The following SEH1L variants were observed in gnomAD, a reference collection of about 807,000 sequenced individuals.
SEH1L encodes SEH1 like nucleoporin, also known as nucleoporin SEH1.
Under a neutral mutation model 49.5 loss-of-function variants are expected in SEH1L, and 18 were observed. The ratio of observed to expected loss-of-function variants is 0.36; its 90% CI spans 0.25 to 0.54. The LOEUF (loss-of-function observed/expected upper bound fraction) is 0.54. Among genes scored for constraint, SEH1L ranks in the 20% least tolerant of loss-of-function variants. The pLI is 0.87. For missense variants in SEH1L, 404 were observed against 528.8 expected (o/e 0.76, Z 2.31); for synonymous variants, 169 against 178.1 (o/e 0.95, Z 0.41).
At chr18:12,970,211 G>C (rs1480684180) in intron 4 of SEH1L, among the ~76,000 whole-genome samples, 1 of 152,128 alleles carries the variant, frequency 6.6e-6, no homozygotes, top group Non-Finnish European at 1.5e-5. Flanking sequence ...ATCTGGATGA[G>C]GGAGGCAAAG....
In SEH1L at chr18:12,982,599, C is replaced by T; in HGVS notation, c.843C>T (p.Val281=). 6.2e-7 allele frequency: 1 copy of T among 1,613,784 alleles called. No individual in the cohort carries two copies. Among genetic ancestry groups the T allele is most frequent in the Non-Finnish European group, 8.5e-7 (1 of 1,179,744 alleles). Residue 281 remains valine (V), a synonymous_variant, in exon 7 of 9, where the codon GTC becomes GTT. Transcript: ENST00000399892. ...AGTTCGATAATCATAATTCTCAGGT[C>T]TGGCGAGTGAGTTGGAATATAACAG... ...VAQFDNHNSQ[V]WRVSWNITGT...
At chr18:12,986,008 T>C (rs2032443142) in intron 8 of SEH1L, 1 of 911,914 alleles carries the variant, frequency 1.1e-6, no homozygotes, top group Non-Finnish European at 1.3e-6. Context: ...TGTGTATTTT[T>C]ATGGTGTTAT....
rs2032315135 is a variant in SEH1L, at chr18:12,982,587, T to C, written c.831T>C (p.His277=). 1 of 1,613,818 alleles carries C rather than the reference T, an allele frequency of 6.2e-7. No individual in the cohort carries two copies. The highest frequency in any genetic ancestry group is 1.3e-5 in the African/African-American group (1 of 74,928). ...EIHIVAQFDN[H]NSQVWRVSWN... is the part of the protein sequence containing the mutation. ...ATATAGTGGCTCAGTTCGATAATCA[T>C]AATTCTCAGGTCTGGCGAGTGAGTT... The change falls in exon 7 of 9, where the codon CAT becomes CAC. Residue 277 remains histidine, a synonymous_variant. Coordinates refer to ENST00000399892, the MANE Select transcript of SEH1L (RefSeq NM_001013437.2).
In SEH1L at chr18:12,986,862, G is replaced by A. The variant is rs569839195; in HGVS notation, c.1071G>A (p.Arg357=). 74 of 1,518,170 alleles carry A rather than the reference G, an allele frequency of 4.9e-5. 1 individual carries two copies. In the South Asian group the frequency reaches 8.6e-4, roughly 18 times the overall value. 94.0% of individuals were successfully genotyped at this position (1,518,170 alleles called of 1,614,324 possible). ...TTTGTTCCTGTCTTCATTGTTTCAG[G>A]TATTTCTTTACCCCTCTGGATTCCC... is the stretch of plus-strand genomic sequence containing the variant. ...QNSLNGSSAG[R]YFFTPLDSPR... is the part of the protein sequence containing the mutation. Residue 357 remains arginine, a splice_region_variant and synonymous_variant, in exon 9 of 9, where the codon AGG becomes AGA. Coordinates refer to ENST00000399892, the MANE Select transcript of SEH1L (RefSeq NM_001013437.2).
intron 7 of SEH1L, 44 bp from the exon 8 acceptor site, chr18:12,983,996 A>G (rs1047023165): frequency 1.4e-5 from 21 of 1,524,982 alleles, no homozygotes; most frequent in Admixed American, 3.4e-5. Flanking sequence ...GCCCTTAGGC[A>G]TTGGTATTAA....
At chr18:12,948,296 G>A (rs574535865) in intron 1 of SEH1L, 64 bp downstream of exon 1, 2 of 1,183,628 alleles carry the variant, frequency 1.7e-6, no homozygotes, top group African/African-American at 1.5e-5. Flanking sequence ...GGTGGGCGGC[G>A]CGGGGAACGG....
At position 12,985,352 on chromosome 18, in the gene SEH1L, C is replaced by T. The variant is rs537867214; in HGVS notation, c.1070+1162C>T. The T allele has an allele frequency of 6.7e-5, 103 of 1,544,446 alleles. No individual in the cohort carries two copies. The East Asian group carries it at 1.9e-3, about 28-fold the overall frequency. On this transcript the variant is annotated intron_variant, in intron 8 of 8. Coordinates refer to ENST00000399892, the MANE Select transcript of SEH1L (RefSeq NM_001013437.2). The stretch of plus-strand genomic sequence containing the variant: ...TTCCCCTTCCCCAGCGCCGTTTGAC[C>T]TCTCCCAAGATACACCAGCAGCCTG...
At chr18:12,982,135 C>G (rs8086882) in intron 6 of SEH1L, among the ~76,000 whole-genome samples, 63,047 of 151,866 alleles carry the variant, frequency 0.42, 13,428 homozygotes, top group Middle Eastern at 0.49. Flanking sequence ...CAAAGTGCTG[C>G]GATTACAGGT....
At chr18:12,984,000 G>T (rs2032370520) in intron 7 of SEH1L, 40 bp from the exon 8 acceptor site, 1 of 1,547,838 alleles carries the variant, frequency 6.5e-7, no homozygotes, top group African/African-American at 1.4e-5. Flanking sequence ...TTAGGCATTG[G>T]TATTAATCAT....
At chr18:12,952,037 TTCGCTA>T (rs1598939306) in intron 2 of SEH1L, 132 bp downstream of exon 2, 3 of 495,024 alleles carry the variant, frequency 6.1e-6, no homozygotes, top group Non-Finnish European at 1.0e-5. Flanking sequence ...TTTACTGTTT[TTCGCTA>T]TTAAAGTAAC....
chr18:12,955,647 A>G (rs780763157), intron 3 of SEH1L, 38 bp downstream of exon 3: 4 of 1,606,106 alleles, frequency 2.5e-6, no homozygotes, highest in Admixed American at 1.7e-5. Flanking sequence ...CCGGGAAGAC[A>G]TGAGCAGCCA....
intron 5 of SEH1L, among the ~76,000 whole-genome samples, chr18:12,974,950 CTGATAGGAGA>C (rs1173682170): frequency 3.3e-5 from 5 of 152,010 alleles, no homozygotes; most frequent in Admixed American, 1.3e-4. Context: ...TTGGCTCCTT[CTGATAGGAGA>C]AGCTTTAGAT....
intron 2 of SEH1L, among the ~76,000 whole-genome samples, chr18:12,952,205 C>G (rs942466021): frequency 1.1e-4 from 16 of 144,274 alleles, no homozygotes; most frequent in Non-Finnish European, 1.5e-4. Flanking sequence ...AAAAAAAAAA[C>G]AAAACCTTTA....
chr18:12,971,381 T>C (rs1204798197), intron 5 of SEH1L, 130 bp downstream of exon 5: 6 of 648,580 alleles, frequency 9.3e-6, no homozygotes, highest in Non-Finnish European at 1.6e-5. Flanking sequence ...ATATACCAAG[T>C]TCTGTGCTAG....
At chr18:12,986,377 A>G (rs2032456962) in intron 8 of SEH1L, 2 of 985,458 alleles carry the variant, frequency 2.0e-6, no homozygotes, top group African/African-American at 3.5e-5. Context: ...AGTTCTTCAA[A>G]AGCATGTTGC....
At chr18:12,964,086 T>C (rs1383307421) in intron 4 of SEH1L, among the ~76,000 whole-genome samples, 1 of 152,204 alleles carries the variant, frequency 6.6e-6, no homozygotes, top group African/African-American at 2.4e-5. Context: ...TTTTTCCATA[T>C]ATTAATATAT....
chr18:12,971,216 C>T lies in SEH1L; in HGVS notation c.585C>T (p.Ala195=), dbSNP rs142041554. The T allele has an allele frequency of 5.4e-3, 8,661 of 1,613,602 alleles. 40 individuals carry two copies. The highest frequency in any genetic ancestry group is 6.4e-3 in the Non-Finnish European group (7,600 of 1,179,568). The change falls in exon 5 of 9, where the codon GCC becomes GCT. Residue 195 remains alanine (A), a synonymous_variant. Transcript: ENST00000399892. The part of the protein sequence containing the change: ...GSDDSSPNAM[A]KVQIFEYNEN... ...ATGACAGTAGCCCCAACGCAATGGC[C>T]AAGGTTCAGATTTTTGAATATAATG...
intron 4 of SEH1L, among the ~76,000 whole-genome samples, chr18:12,965,565 C>T (rs2031413111): frequency 6.6e-6 from 1 of 152,166 alleles, no homozygotes; most frequent in East Asian, 1.9e-4. Context: ...GATAGTTTGG[C>T]TAGTTTTAGA....
rs754666890 is a variant in SEH1L at position 12,978,728 on chromosome 18, TAATGTC to T, written c.621-20_621-15del. On this transcript the variant is annotated intron_variant, in intron 5 of 8. Transcript: ENST00000399892. Reference sequence around the variant, plus strand: ...TTTGCACATTTTATTTCTAAAATGTTAATGTCAATTGTTTTTCCATTAGGAAATATG... The same window carrying T: ...TTTGCACATTTTATTTCTAAAATGTTAATTGTTTTTCCATTAGGAAATATG... 3.8e-6 allele frequency: 6 copies of T among 1,591,064 alleles called. No individual in the cohort carries two copies. Among genetic ancestry groups the T allele is most frequent in the Non-Finnish European group, 8.6e-7 (1 of 1,164,590 alleles).
Sources: gnomAD v4.1 joint callset for allele counts (sites outside exome capture counted in the v4.1 genomes callset) on GRCh38, gnomAD v4.1.1 for gene constraint, MANE v1.5 for transcripts, NCBI Gene and HGNC (gene_info 2026-07-23, HGNC 2026-07-21) for gene names.